TCP11L2: variants seen among roughly 807,000 people sequenced by gnomAD.
The protein encoded by TCP11L2 is T-complex protein 11-like protein 2.
A neutral mutation model predicts 50.7 loss-of-function variants in TCP11L2; 39 were observed. The ratio of observed to expected loss-of-function variants is 0.77; its 90% CI spans 0.60 to 1.01. The LOEUF (loss-of-function observed/expected upper bound fraction) is 1.01, where lower values mean the gene tolerates loss of function less well. Ranked by LOEUF, TCP11L2 falls within the 50% of genes least tolerant of loss-of-function variation. The pLI is 0.00. For missense variants in TCP11L2, 612 were observed against 614.7 expected (o/e 1.00, Z 0.05); for synonymous variants, 192 against 219.3 (o/e 0.88, Z 1.10).
At chr12:106,341,062 CA>C in intron 9 of TCP11L2, 64 bp downstream of exon 9, 1 of 1,395,442 alleles carries the variant, frequency 7.2e-7, no homozygotes, top group Non-Finnish European at 9.8e-7. Flanking sequence ...TTTTGACTAA[CA>C]TTAAGTCAGT....
Position 106,336,023 on chromosome 12 carries a change from A to T in TCP11L2, c.961-9A>T, listed in dbSNP as rs760542534. The T allele has an allele frequency of 1.3e-6, 2 of 1,575,756 alleles. No individual in the cohort carries two copies. The highest frequency in any genetic ancestry group is 2.4e-5 in the South Asian group (2 of 83,602). ...CTTTCTATTTTTATATTTTAAATAAATATGTTAGACACTTATGACAGATGG... is the reference window on the plus strand; with the variant it reads ...CTTTCTATTTTTATATTTTAAATAATTATGTTAGACACTTATGACAGATGG... On this transcript the variant is annotated splice_polypyrimidine_tract_variant and intron_variant, in intron 7 of 9. Transcript: ENST00000299045.
intron 1 of TCP11L2, among the ~76,000 whole-genome samples, chr12:106,310,111 G>T (rs1323493569): frequency 6.6e-6 from 1 of 152,160 alleles, no homozygotes; most frequent in Admixed American, 6.5e-5. Context: ...TGGTCATCCT[G>T]TGTGCCTGTG....
At chr12:106,334,119 A>G (rs2035832790) in intron 6 of TCP11L2, among the ~76,000 whole-genome samples, 1 of 152,176 alleles carries the variant, frequency 6.6e-6, no homozygotes, top group South Asian at 2.1e-4. Context: ...AGGGAGATGC[A>G]CCTGTCTTCT....
At chr12:106,309,473 A>G (rs1592928095) in intron 1 of TCP11L2, among the ~76,000 whole-genome samples, 1 of 151,966 alleles carries the variant, frequency 6.6e-6, no homozygotes, top group African/African-American at 2.4e-5. Flanking sequence ...TTTCTGTGGC[A>G]GGATTGAAGA....
chr12:106,313,764 A>AT (rs34867730), intron 2 of TCP11L2, among the ~76,000 whole-genome samples: 39,018 of 114,026 alleles, frequency 0.34, 7,036 homozygotes, highest in Non-Finnish European at 0.38. Flanking sequence ...AGGTAATTTA[A>AT]TTTTTTTTTT....
chr12:106,298,489 T>G (rs2034376214), upstream of TCP11L2, among the ~76,000 whole-genome samples: 2 of 152,176 alleles, frequency 1.3e-5, no homozygotes, highest in African/African-American at 4.8e-5. Context: ...GAAGTGGGAT[T>G]CCTTTGAAAA....
chr12:106,341,133 A>C, intron 9 of TCP11L2, 135 bp downstream of exon 9: 1 of 752,202 alleles, frequency 1.3e-6, no homozygotes, highest in Non-Finnish European at 2.2e-6. Context: ...AAATATCAAG[A>C]AATATTAATG....
At chr12:106,298,935 AG>A (rs1330630836), upstream of TCP11L2, among the ~76,000 whole-genome samples, 1 of 152,114 alleles carries the variant, frequency 6.6e-6, no homozygotes, top group Admixed American at 6.5e-5. Flanking sequence ...CTCCTGCCTC[AG>A]CCTCCCAAGT....
chr12:106,312,480 G>T, intron 2 of TCP11L2: 1 of 1,037,634 alleles, frequency 9.6e-7, no homozygotes, highest in Non-Finnish European at 1.2e-6. Flanking sequence ...TGGTGTTGTT[G>T]CATCTGACAC....
chr12:106,321,099 C>T (rs976607023), intron 4 of TCP11L2, among the ~76,000 whole-genome samples: 3 of 152,030 alleles, frequency 2.0e-5, no homozygotes, highest in African/African-American at 7.3e-5. Context: ...GAAACTTAAC[C>T]GTTGTTTATA....
In TCP11L2 at chr12:106,321,477, TC is replaced by T; in HGVS notation, c.415-6del. The T allele has an allele frequency of 6.2e-7, 1 of 1,605,370 alleles. No individual in the cohort carries two copies. The highest frequency in any genetic ancestry group is 1.7e-5 in the Admixed American group (1 of 58,672). ...ATGATGCTGTTAATTTTTATTTCTT[TC>T]CCTGTAGATTCTTCTCTCTTTTCTC... is the stretch of plus-strand genomic sequence containing the variant. On this transcript the variant is annotated splice_region_variant and splice_polypyrimidine_tract_variant and intron_variant, in intron 4 of 9. Coordinates refer to ENST00000299045, the MANE Select transcript of TCP11L2 (RefSeq NM_152772.3).
upstream of TCP11L2, among the ~76,000 whole-genome samples, chr12:106,302,323 C>A (rs1308605933): frequency 2.7e-5 from 3 of 111,956 alleles, no homozygotes; most frequent in Admixed American, 2.6e-4. Flanking sequence ...CCCCGCTCCC[C>A]CCGCTCAGCC....
At chr12:106,314,614 A>T in intron 3 of TCP11L2, 121 bp downstream of exon 3, 1 of 862,428 alleles carries the variant, frequency 1.2e-6, no homozygotes, top group Non-Finnish European at 1.8e-6. Flanking sequence ...AGAGAGAGAG[A>T]TAGACACATA....
Position 106,346,638 on chromosome 12 carries a change from T to C in TCP11L2, c.*108T>C, listed in dbSNP as rs951619776. On this transcript the variant is annotated 3_prime_UTR_variant, in exon 10 of 10. Coordinates refer to ENST00000299045, the MANE Select transcript of TCP11L2 (RefSeq NM_152772.3). Reference sequence around the variant, plus strand: ...GCACATTCTCAGTACTGTGGTGCAGTATTAGCCCAAATCTGTGTAATGGGT... The same window carrying C: ...GCACATTCTCAGTACTGTGGTGCAGCATTAGCCCAAATCTGTGTAATGGGT... The C allele has an allele frequency of 1.0e-5, 14 of 1,393,952 alleles. No individual in the cohort carries two copies. The African/African-American group carries it at 2.0e-4, about 20-fold the overall frequency. The allele number at this position is 1,393,952 out of a possible 1,614,324, so 86.3% of individuals were successfully genotyped here. A position where few individuals can be genotyped will look rare whatever the true frequency, so the allele number is the denominator to read the frequency against.
At chr12:106,327,604 T>C (rs2035602309) in intron 6 of TCP11L2, among the ~76,000 whole-genome samples, 1 of 152,194 alleles carries the variant, frequency 6.6e-6, no homozygotes, top group Admixed American at 6.5e-5. Flanking sequence ...TCATTATTGC[T>C]TAGCAAGAGA....
At chr12:106,306,175 T>C (rs532630192) in intron 1 of TCP11L2, among the ~76,000 whole-genome samples, 1 of 152,352 alleles carries the variant, frequency 6.6e-6, no homozygotes, top group East Asian at 1.9e-4. Flanking sequence ...TGCAAGAGGT[T>C]GGACTGTTCT....
chr12:106,339,215 G>A (rs1175684831), intron 8 of TCP11L2, among the ~76,000 whole-genome samples: 1 of 152,172 alleles, frequency 6.6e-6, no homozygotes, highest in African/African-American at 2.4e-5. Context: ...GTTTTGATTT[G>A]CATTTCTCTA....
rs1565861930 is a variant in TCP11L2 at position 106,340,897 on chromosome 12, T to C, written c.1214T>C (p.Met405Thr). Residue 405 changes from methionine (M) to threonine (T), a missense_variant, in exon 9 of 10, where the codon ATG (methionine) becomes ACG (threonine). By Grantham distance (81) the Met-to-Thr change is moderately conservative. Transcript: ENST00000299045. ...QTCVEVNKTL[M>T]ERGLPTLNAE... ...TGTGTTGAGGTTAACAAGACCCTGATGGAAAGAGGTTTACCCACTTTAAAT... is the reference window on the plus strand; with the variant it reads ...TGTGTTGAGGTTAACAAGACCCTGACGGAAAGAGGTTTACCCACTTTAAAT... The C allele has an allele frequency of 6.2e-7, 1 of 1,613,672 alleles. No homozygotes were observed. Among genetic ancestry groups the C allele is most frequent in the East Asian group, 2.2e-5 (1 of 44,812 alleles).
At chr12:106,311,345 G>A in intron 2 of TCP11L2, 113 bp downstream of exon 2, 1 of 1,245,590 alleles carries the variant, frequency 8.0e-7, no homozygotes, top group Non-Finnish European at 1.1e-6. Context: ...CTTTCTAGAT[G>A]CACCAGAATA....
Sources: allele counts gnomAD v4.1 joint callset (sites outside exome capture counted in the v4.1 genomes callset), GRCh38; gene constraint gnomAD v4.1.1; transcripts MANE v1.5; gene names NCBI Gene and HGNC (gene_info 2026-07-23, HGNC 2026-07-21).